The following SLF1 variants were observed in gnomAD, a reference collection of about 807,000 sequenced individuals.
The protein encoded by SLF1 is SMC5/6 complex localization factor 1.
SLF1 carries 105 observed loss-of-function variants against 123.0 expected under a neutral mutation model. The observed-to-expected ratio is 0.85, with a 90% CI of 0.73 to 1.00. The LOEUF is 1.00. SLF1 is among the 50% of genes least tolerant of loss of function. The pLI is 0.00. For synonymous variants in SLF1, 434 were observed against 406.6 expected, an observed-to-expected ratio of 1.07 and a Z score of -0.81; for missense variants, 1,239 against 1,223.0, an observed-to-expected ratio of 1.01 and a Z score of -0.20.
chr5:94,661,649 C>T (rs1218593247), intron 9 of SLF1, among the ~76,000 whole-genome samples: 2 of 151,932 alleles, frequency 1.3e-5, no homozygotes, highest in African/African-American at 4.8e-5. Context: ...ATTCTCCTGC[C>T]TCAGCCTCCT....
At chr5:94,661,354 TTC>T (rs1464255834) in intron 9 of SLF1, among the ~76,000 whole-genome samples, 1 of 152,126 alleles carries the variant, frequency 6.6e-6, no homozygotes, top group Non-Finnish European at 1.5e-5. Context: ...GCTGCTTTGC[TTC>T]TCTGTCTTTG....
At chr5:94,653,514 A>G (rs1446614924) in intron 8 of SLF1, 93 bp downstream of exon 8, 1 of 1,137,306 alleles carries the variant, frequency 8.8e-7, no homozygotes, top group East Asian at 3.2e-5. Flanking sequence ...GTTTTAAGAA[A>G]AAATCTTGAG....
At chr5:94,631,980 T>C (rs1479942508) in intron 4 of SLF1, among the ~76,000 whole-genome samples, 2 of 147,506 alleles carry the variant, frequency 1.4e-5, no homozygotes, top group East Asian at 4.3e-4. Context: ...CTTTTTTTTT[T>C]TTTTTTTTCC....
In SLF1 at chr5:94,628,834, T is replaced by C; in HGVS notation, c.24T>C (p.His8=). 6.5e-7 allele frequency: 1 copy of C among 1,548,386 alleles called. No individual in the cohort carries two copies. The highest frequency in any genetic ancestry group is 8.7e-7 in the Non-Finnish European group (1 of 1,145,710). Residue 8 remains histidine, a synonymous_variant, in exon 2 of 21, where the codon CAT becomes CAC. Transcript: ENST00000265140. ...AGATGGAAGATGGTACCCCAAAGCA[T>C]ATCATCCAGATGACAGGATTTAAGA... is the stretch of plus-strand genomic sequence containing the variant. MEDGTPK[H]IIQMTGFKME...
intron 4 of SLF1, among the ~76,000 whole-genome samples, chr5:94,633,319 T>C (rs549696815): frequency 6.6e-6 from 1 of 152,312 alleles, no homozygotes; most frequent in East Asian, 1.9e-4. Flanking sequence ...AAACCAAACT[T>C]GTATTCTTGA....
intron 14 of SLF1, among the ~76,000 whole-genome samples, chr5:94,676,454 T>G (rs1182959717): frequency 1.3e-5 from 2 of 152,180 alleles, no homozygotes; most frequent in Non-Finnish European, 2.9e-5. Context: ...TAGCCGCAAC[T>G]GCAAGGCTTA....
chr5:94,678,347 T>C (rs993584285), intron 14 of SLF1: 9 of 152,634 alleles, frequency 5.9e-5, no homozygotes, highest in African/African-American at 2.2e-4. Context: ...ACTAGAACTT[T>C]TATTCATTGG....
intron 5 of SLF1, among the ~76,000 whole-genome samples, chr5:94,643,751 A>G (rs1168083587): frequency 2.6e-5 from 4 of 152,082 alleles, no homozygotes; most frequent in African/African-American, 4.8e-5. Context: ...TGGAAAAGAG[A>G]GCTATTTCTA....
intron 15 of SLF1, among the ~76,000 whole-genome samples, chr5:94,680,966 A>G (rs1192416367): frequency 6.6e-6 from 1 of 152,242 alleles, no homozygotes; most frequent in Non-Finnish European, 1.5e-5. Flanking sequence ...CTAACATTCA[A>G]AACTTTCGAT....
chr5:94,663,368 G>A (rs1357035883), intron 10 of SLF1, among the ~76,000 whole-genome samples: 1 of 152,228 alleles, frequency 6.6e-6, no homozygotes. Context: ...ACTAGGCTGG[G>A]TGCAGTGGCT....
rs767719000 is a variant in SLF1 at position 94,678,808 on chromosome 5, G to C, written c.1828G>C (p.Val610Leu). ...TAATTTTTTTGTATCTTAATGTTAG[G>C]TCTTCAAACATGAACTAGCTTACTT... ...SHKEKFKSND[V>L]FKHELAYLLA... The change falls in exon 15 of 21, where the codon GTC becomes CTC. Residue 610 changes from valine (V) to leucine (L), a missense_variant and splice_region_variant. By Grantham distance (32) the Val-to-Leu change is conservative. Transcript: ENST00000265140. 9 of 1,609,606 alleles carry C rather than the reference G, an allele frequency of 5.6e-6. No homozygotes were observed. The highest frequency in any genetic ancestry group is 1.7e-5 in the Admixed American group (1 of 59,854).
intron 17 of SLF1, 145 bp downstream of exon 17, chr5:94,688,814 C>A: frequency 1.1e-6 from 1 of 881,472 alleles, no homozygotes; most frequent in Non-Finnish European, 1.6e-6. Context: ...ATTTGATCAA[C>A]ATTTTCTGTT....
intron 1 of SLF1, among the ~76,000 whole-genome samples, chr5:94,623,027 G>A (rs1791931818): frequency 6.6e-6 from 1 of 151,878 alleles, no homozygotes; most frequent in African/African-American, 2.4e-5. Context: ...GTCTTTCCTT[G>A]TCTCTGAGCT....
At chr5:94,686,986 G>T (rs540222105) in intron 16 of SLF1, among the ~76,000 whole-genome samples, 3 of 151,890 alleles carry the variant, frequency 2.0e-5, no homozygotes, top group Non-Finnish European at 2.9e-5. Flanking sequence ...ACGGGGTCTC[G>T]ATCTCCTGAC....
chr5:94,687,025 A>T (rs564216529), intron 16 of SLF1, among the ~76,000 whole-genome samples: 148 of 152,296 alleles, frequency 9.7e-4, no homozygotes, highest in Non-Finnish European at 1.8e-3. Context: ...CGGCCTCCCA[A>T]AGTGCTGGGA....
chr5:94,653,133 A>G (rs776388858), intron 7 of SLF1, 139 bp from the exon 8 acceptor site: 68 of 750,314 alleles, frequency 9.1e-5, no homozygotes, highest in Non-Finnish European at 1.3e-4. Flanking sequence ...CAGAGATTAC[A>G]GGCATGAGCC....
chr5:94,630,355 C>A, intron 3 of SLF1, 148 bp from the exon 4 acceptor site: 2 of 883,126 alleles, frequency 2.3e-6, no homozygotes, highest in Non-Finnish European at 3.3e-6. Context: ...CAGAAAATTT[C>A]CCCAAAATGC....
intron 18 of SLF1, 65 bp downstream of exon 18, chr5:94,689,671 G>T: frequency 6.9e-7 from 1 of 1,452,428 alleles, no homozygotes. Context: ...GTACTTGCAG[G>T]TTTCACACAT....
At position 94,695,627 on chromosome 5, in the gene SLF1, C is replaced by G. The variant is rs192371558; in HGVS notation, c.*315C>G. 1.6e-4 allele frequency: 26 copies of G among 159,426 alleles called. No individual in the cohort carries two copies. The East Asian group carries it at 4.3e-3, about 26-fold the overall frequency. The allele number at this position is 159,426 out of a possible 1,614,324, so 9.9% of individuals were successfully genotyped here. The stretch of plus-strand genomic sequence containing the variant: ...TGTAAAATTAATTTAAATATTTTTT[C>G]AAATAAAAATGTAATGTCCTGTATT... On this transcript the variant is annotated 3_prime_UTR_variant, in exon 21 of 21. Transcript: ENST00000265140.
Sources: allele counts gnomAD v4.1 joint callset (sites outside exome capture counted in the v4.1 genomes callset), GRCh38; gene constraint gnomAD v4.1.1; transcripts MANE v1.5; gene names NCBI Gene and HGNC (gene_info 2026-07-23, HGNC 2026-07-21).